Variants in TMEM131L observed in about 807,000 individuals in gnomAD.
TMEM131L encodes the protein transmembrane protein 131-like.
TMEM131L carries 54 observed loss-of-function variants against 192.2 expected under a neutral mutation model. The observed-to-expected ratio is 0.28, with a 90% CI of 0.23 to 0.35. The LOEUF (loss-of-function observed/expected upper bound fraction) is 0.35. Ranked by LOEUF, TMEM131L falls within the 10% of genes least tolerant of loss-of-function variation. TMEM131L has a pLI of 1.00. For missense variants in TMEM131L, 1,888 were observed against 1,972.9 expected (o/e 0.96, Z 0.82); for synonymous variants, 701 against 704.9 (o/e 0.99, Z 0.09).
At chr4:153,484,429 A>T (rs373445231) in intron 3 of TMEM131L, among the ~76,000 whole-genome samples, 14 of 151,746 alleles carry the variant, frequency 9.2e-5, no homozygotes, top group East Asian at 7.7e-4. Flanking sequence ...TTTCTCCCAA[A>T]GTAGTAGGGA....
Position 153,477,094 on chromosome 4 carries a change from C to T in TMEM131L, c.239+3206C>T, listed in dbSNP as rs568139790. Among the ~76,000 whole-genome samples, 7 of 152,124 alleles carry T rather than the reference C, an allele frequency of 4.6e-5. No individual in the cohort carries two copies. In the East Asian group the frequency reaches 5.8e-4, roughly 13 times the overall value. On this transcript the variant is annotated intron_variant, in intron 3 of 34. Transcript: ENST00000409959. ...AACATTTTGAGATACATTCTTGAGGCGGGACAGATCCTTTACTTGTTGAAT... is the reference window on the plus strand; with the variant it reads ...AACATTTTGAGATACATTCTTGAGGTGGGACAGATCCTTTACTTGTTGAAT...
intron 25 of TMEM131L, 117 bp downstream of exon 25, chr4:153,604,547 G>T: frequency 9.6e-7 from 1 of 1,046,132 alleles, no homozygotes; most frequent in Non-Finnish European, 1.4e-6. Flanking sequence ...TTTAGCAAAG[G>T]TTTAAATATT....
At chr4:153,547,709 G>A (rs889334949) in intron 3 of TMEM131L, among the ~76,000 whole-genome samples, 2 of 152,222 alleles carry the variant, frequency 1.3e-5, no homozygotes, top group Non-Finnish European at 2.9e-5. Context: ...TTCCCAAGCC[G>A]TCATCAGCAG....
At chr4:153,537,909 G>C (rs1736464226) in intron 3 of TMEM131L, among the ~76,000 whole-genome samples, 1 of 152,102 alleles carries the variant, frequency 6.6e-6, no homozygotes, top group Admixed American at 6.5e-5. Context: ...TTTCTCCCTA[G>C]ACTAACTGGG....
intron 3 of TMEM131L, among the ~76,000 whole-genome samples, chr4:153,479,839 A>G (rs568649458): frequency 1.3e-5 from 2 of 152,278 alleles, no homozygotes; most frequent in African/African-American, 4.8e-5. Context: ...CTTTGGGGAC[A>G]CTCGCTTTTG....
chr4:153,514,632 A>G (rs928123720), intron 3 of TMEM131L, among the ~76,000 whole-genome samples: 2 of 152,228 alleles, frequency 1.3e-5, no homozygotes, highest in Non-Finnish European at 2.9e-5. Context: ...ATTTTATAAT[A>G]GGAAACCAAA....
intron 3 of TMEM131L, among the ~76,000 whole-genome samples, chr4:153,521,378 G>A (rs548806978): frequency 3.9e-5 from 6 of 152,308 alleles, no homozygotes; most frequent in African/African-American, 1.4e-4. Flanking sequence ...GCTAGGAAGT[G>A]AGTCTACATT....
intron 3 of TMEM131L, among the ~76,000 whole-genome samples, chr4:153,483,823 A>G (rs988665586): frequency 6.6e-6 from 1 of 152,208 alleles, no homozygotes; most frequent in Non-Finnish European, 1.5e-5. Context: ...GCTTCTAGCT[A>G]GAGAGTCAGG....
intron 3 of TMEM131L, among the ~76,000 whole-genome samples, chr4:153,514,816 T>C (rs1323614984): frequency 6.6e-6 from 1 of 152,062 alleles, no homozygotes; most frequent in Admixed American, 6.6e-5. Context: ...TGTTTTTTTC[T>C]TTTCTTTTTT....
chr4:153,588,771 C>A (rs1379995933), intron 15 of TMEM131L, 119 bp from the exon 16 acceptor site: 2 of 592,328 alleles, frequency 3.4e-6, no homozygotes, highest in African/African-American at 3.8e-5. Context: ...ACAGAGGTGG[C>A]ATTTATTAAC....
Position 153,584,892 on chromosome 4 carries a change from C to T in TMEM131L, c.1118C>T (p.Pro373Leu), listed in dbSNP as rs1730597405. ...IEDVKKTTHT[P>L]TLKACLFSSV... is the part of the protein sequence containing the mutation. ...GATGTGAAGAAAACAACACACACTC[C>T]AACACTAAAAGCATGCCTCTTCTCT... The change falls in exon 12 of 35, where the codon CCA (proline) becomes CTA (leucine). Residue 373 changes from proline (P) to leucine (L), a missense_variant. By Grantham distance (98) the Pro-to-Leu change is moderately conservative. Coordinates refer to ENST00000409959, the MANE Select transcript of TMEM131L (RefSeq NM_001131007.2). 1.2e-6 allele frequency: 2 copies of T among 1,614,040 alleles called. No homozygotes were observed. Among genetic ancestry groups the T allele is most frequent in the Non-Finnish European group, 1.7e-6 (2 of 1,179,892 alleles).
At chr4:153,550,040 A>G (rs1041980697) in intron 3 of TMEM131L, 33 bp from the exon 4 acceptor site, 4 of 1,173,160 alleles carry the variant, frequency 3.4e-6, no homozygotes, top group African/African-American at 1.6e-5. Context: ...TGTTAAAACT[A>G]CAACAAAATC....
intron 3 of TMEM131L, among the ~76,000 whole-genome samples, chr4:153,534,295 G>A (rs1736142898): frequency 6.6e-6 from 1 of 152,182 alleles, no homozygotes; most frequent in Non-Finnish European, 1.5e-5. Flanking sequence ...GTGATATGTG[G>A]TATAGAAAAA....
chr4:153,528,605 T>C (rs554264481), intron 3 of TMEM131L, among the ~76,000 whole-genome samples: 1 of 152,284 alleles, frequency 6.6e-6, no homozygotes, highest in East Asian at 1.9e-4. Flanking sequence ...TTAATGTTTT[T>C]CCTACTTTCC....
At position 153,592,477 on chromosome 4, in the gene TMEM131L, C is replaced by A. The variant is rs1452487613; in HGVS notation, c.1815C>A (p.Ile605=). 6.2e-7 allele frequency: 1 copy of A among 1,612,042 alleles called. No homozygotes were observed. Among genetic ancestry groups the A allele is most frequent in the Non-Finnish European group, 8.5e-7 (1 of 1,178,114 alleles). ...AACTTTTCTTTCCTCACACCTAGAT[C>A]AAGTACTTTGTGGTGCAGAACCCGT... ...FSATALRSRM[I]KYFVVQNPSS... The change falls in exon 18 of 35, where the codon ATC becomes ATA. Residue 605 remains isoleucine (I), a splice_region_variant and synonymous_variant. Transcript: ENST00000409959.
intron 33 of TMEM131L, 45 bp from the exon 34 acceptor site, chr4:153,635,387 C>A: frequency 6.3e-7 from 1 of 1,593,992 alleles, no homozygotes; most frequent in South Asian, 1.1e-5. Context: ...ATTCAGTTCT[C>A]AATGAAAATG....
At chr4:153,580,134 G>A (rs1730235034) in intron 7 of TMEM131L, among the ~76,000 whole-genome samples, 1 of 152,112 alleles carries the variant, frequency 6.6e-6, no homozygotes, top group African/African-American at 2.4e-5. Context: ...GTATTCACAT[G>A]CCTGTAGCCC....
At chr4:153,510,752 C>A (rs1013971474) in intron 3 of TMEM131L, among the ~76,000 whole-genome samples, 1 of 152,090 alleles carries the variant, frequency 6.6e-6, no homozygotes, top group South Asian at 2.1e-4. Context: ...CGCGGTGGCA[C>A]GTGCCTGTAG....
At chr4:153,487,719 T>TGTGTGAGAGAGA (rs369094307) in intron 3 of TMEM131L, among the ~76,000 whole-genome samples, 1 of 143,438 alleles carries the variant, frequency 7.0e-6, no homozygotes, top group Non-Finnish European at 1.5e-5. Context: ...TGTGTGTGTG[T>TGTGTGAGAGAGA]GAGAGAGAGA....
Sources: allele counts gnomAD v4.1 joint callset (sites outside exome capture counted in the v4.1 genomes callset), GRCh38; gene constraint gnomAD v4.1.1; transcripts MANE v1.5; gene names NCBI Gene and HGNC (gene_info 2026-07-23, HGNC 2026-07-21).